ANO5: variants seen among roughly 807,000 people sequenced by gnomAD.
The protein encoded by ANO5 is anoctamin-5.
ANO5 carries 109 observed loss-of-function variants against 121.0 expected under a neutral mutation model. The ratio of observed to expected loss-of-function variants is 0.90; its 90% CI spans 0.77 to 1.06. ANO5 has a LOEUF of 1.06. Among genes scored for constraint, ANO5 ranks in the 50% least tolerant of loss-of-function variants. ANO5 has a pLI of 0.00. For missense variants in ANO5, 1,064 were observed against 1,078.5 expected (o/e 0.99, Z 0.19); for synonymous variants, 406 against 359.9 (o/e 1.13, Z -1.45).
intron 2 of ANO5, among the ~76,000 whole-genome samples, chr11:22,209,755 G>T (rs1176495706): frequency 1.1e-4 from 16 of 151,874 alleles, no homozygotes; most frequent in African/African-American, 3.9e-4. Context: ...GCAAAGTGAA[G>T]ATATAACCCC....
intron 3 of ANO5, among the ~76,000 whole-genome samples, chr11:22,214,777 G>T (rs372002456): frequency 2.0e-5 from 3 of 152,012 alleles, no homozygotes; most frequent in African/African-American, 7.2e-5. Context: ...AGGGTAGAGA[G>T]GAGTGGAGAG....
At chr11:22,253,191 T>C (rs2133713974) in intron 12 of ANO5, among the ~76,000 whole-genome samples, 1 of 152,272 alleles carries the variant, frequency 6.6e-6, no homozygotes, top group East Asian at 1.9e-4. Context: ...TGAAATCCTT[T>C]TCAGGGAATA....
intron 17 of ANO5, among the ~76,000 whole-genome samples, chr11:22,265,730 C>A (rs1854336937): frequency 6.6e-6 from 1 of 151,914 alleles, no homozygotes; most frequent in Non-Finnish European, 1.5e-5. Context: ...TAGGTATAGA[C>A]AAGTGGATTC....
chr11:22,242,128 C>A (rs1030056084), intron 9 of ANO5, among the ~76,000 whole-genome samples: 7 of 152,140 alleles, frequency 4.6e-5, no homozygotes, highest in African/African-American at 1.7e-4. Context: ...ATCCCAGCAC[C>A]ATTTATTGAA....
chr11:22,282,818 T>C lies in ANO5; in HGVS notation c.*3053T>C, dbSNP rs554279716. On this transcript the variant is annotated 3_prime_UTR_variant, in exon 22 of 22. Coordinates refer to ENST00000324559, the MANE Select transcript of ANO5 (RefSeq NM_213599.3). ...GAAGGTGAGAAATCTGTACCAATCATTCAAAAAGGGAATCTATTGTTTTGA... is the reference window on the plus strand; with the variant it reads ...GAAGGTGAGAAATCTGTACCAATCACTCAAAAAGGGAATCTATTGTTTTGA... 6.6e-6 allele frequency: 1 copy of C among 152,296 alleles called. No homozygotes were observed. The highest frequency in any genetic ancestry group is 1.9e-4 in the East Asian group (1 of 5,184). 9.4% of individuals were successfully genotyped at this position (152,296 alleles called of 1,614,324 possible).
chr11:22,207,466 T>C (rs1325971568), intron 2 of ANO5, among the ~76,000 whole-genome samples: 1 of 152,138 alleles, frequency 6.6e-6, no homozygotes, highest in Non-Finnish European at 1.5e-5. Flanking sequence ...AGCATTTGTA[T>C]ATTCATAGGC....
chr11:22,257,612 A>G (rs1854044124), intron 13 of ANO5, 68 bp from the exon 14 acceptor site: 2 of 1,282,624 alleles, frequency 1.6e-6, no homozygotes, highest in South Asian at 2.4e-5. Flanking sequence ...TGTGATATTG[A>G]CTAGTGCTTG....
chr11:22,206,976 G>C (rs943008904), intron 2 of ANO5, among the ~76,000 whole-genome samples: 1 of 151,904 alleles, frequency 6.6e-6, no homozygotes, highest in Admixed American at 6.6e-5. Context: ...CCCATTTCCA[G>C]GTGACATGAC....
intron 9 of ANO5, 81 bp downstream of exon 9, chr11:22,239,765 T>C: frequency 9.2e-7 from 1 of 1,083,726 alleles, no homozygotes; most frequent in Middle Eastern, 2.2e-4. Flanking sequence ...TTTTTTTTAC[T>C]ACTATTTTCT....
At chr11:22,237,403 T>G (rs1196810647) in intron 8 of ANO5, among the ~76,000 whole-genome samples, 1 of 152,118 alleles carries the variant, frequency 6.6e-6, no homozygotes, top group Non-Finnish European at 1.5e-5. Context: ...TTTACTTTTG[T>G]TTTTTGAGAC....
At chr11:22,262,855 C>T in intron 16 of ANO5, 91 bp from the exon 17 acceptor site, 2 of 1,018,570 alleles carry the variant, frequency 2.0e-6, no homozygotes, top group Non-Finnish European at 3.1e-6. Flanking sequence ...CCTTTAGATT[C>T]TAATTTTATA....
intron 2 of ANO5, among the ~76,000 whole-genome samples, chr11:22,205,327 A>G (rs1388506613): frequency 2.0e-5 from 3 of 152,106 alleles, no homozygotes; most frequent in Non-Finnish European, 4.4e-5. Flanking sequence ...ACAAACCTGC[A>G]CTTGTATCTC....
rs956431121 is a variant in ANO5, at chr11:22,279,844, A to G, written c.*79A>G. ...GTTTTAGGGCCAGACGCCAGAAGCC[A>G]TGTGTCAATTTTACCCTTTCTTTTT... On this transcript the variant is annotated 3_prime_UTR_variant, in exon 22 of 22. Transcript: ENST00000324559. 51 of 1,206,980 alleles carry G rather than the reference A, an allele frequency of 4.2e-5. No individual in the cohort carries two copies. Among genetic ancestry groups the G allele is most frequent in the East Asian group, 7.3e-5 (3 of 40,968 alleles). The allele number at this position is 1,206,980 out of a possible 1,614,324, so 74.8% of individuals were successfully genotyped here.
At chr11:22,261,735 C>A (rs1454597146) in intron 15 of ANO5, 3 of 221,848 alleles carry the variant, frequency 1.4e-5, no homozygotes. Flanking sequence ...ATGGGGGAAA[C>A]CACACCCATG....
In ANO5 at chr11:22,259,557, G is replaced by A; in HGVS notation, c.1446G>A (p.Val482=). The A allele has an allele frequency of 1.2e-6, 2 of 1,614,118 alleles. No homozygotes were observed. Among genetic ancestry groups the A allele is most frequent in the Non-Finnish European group, 1.7e-6 (2 of 1,180,010 alleles). ...TCACCAGTATGGTAGCTGTAATTGT[G>A]TACCGCCTGTCAGTCTTTGCTACAT... The part of the protein sequence containing the change: ...LVVTSMVAVI[V]YRLSVFATFA... Residue 482 remains valine, a synonymous_variant, in exon 15 of 22, where the codon GTG becomes GTA. Transcript: ENST00000324559.
intron 8 of ANO5, among the ~76,000 whole-genome samples, chr11:22,239,259 T>C (rs906204705): frequency 1.3e-5 from 2 of 152,100 alleles, no homozygotes; most frequent in African/African-American, 2.4e-5. Flanking sequence ...TGTATAGTGA[T>C]ATGGCTCTCT....
intron 1 of ANO5, among the ~76,000 whole-genome samples, chr11:22,196,636 C>T (rs986542988): frequency 1.7e-4 from 26 of 151,968 alleles, no homozygotes; most frequent in East Asian, 5.8e-4. Context: ...TCTGGGAGGC[C>T]GAGGCAGGTG....
chr11:22,250,341 G>C lies in ANO5; in HGVS notation c.983G>C (p.Gly328Ala). 6.2e-7 allele frequency: 1 copy of C among 1,613,468 alleles called. No individual in the cohort carries two copies. Among genetic ancestry groups the C allele is most frequent in the Non-Finnish European group, 8.5e-7 (1 of 1,179,684 alleles). The change falls in exon 10 of 22, where the codon GGC (glycine) becomes GCC (alanine). Residue 328 changes from glycine to alanine, a missense_variant. Physicochemically the swap from Gly to Ala is moderately conservative, Grantham distance 60. Transcript: ENST00000324559. The stretch of plus-strand genomic sequence containing the variant: ...GTTGGCTTAGCTTGTTTTATTTATG[G>C]CTTATTATCAATGGAACATAACACA... ...AVVGLACFIY[G>A]LLSMEHNTSS... is the part of the protein sequence containing the mutation.
intron 5 of ANO5, among the ~76,000 whole-genome samples, chr11:22,222,887 T>C (rs1749215798): frequency 6.6e-6 from 1 of 151,982 alleles, no homozygotes. Flanking sequence ...CTTAGATGAC[T>C]GTTTTATAAT....
Sources: gnomAD v4.1 joint callset for allele counts (sites outside exome capture counted in the v4.1 genomes callset) on GRCh38, gnomAD v4.1.1 for gene constraint, MANE v1.5 for transcripts, NCBI Gene and HGNC (gene_info 2026-07-23, HGNC 2026-07-21) for gene names.